The following PDXK variants were observed in gnomAD, a reference collection of about 807,000 sequenced individuals.
The protein encoded by PDXK is epididymis secretory sperm binding protein Li 1a.
A neutral mutation model predicts 43.2 loss-of-function variants in PDXK; 15 were observed. That is an observed-to-expected ratio of 0.35 (90% CI 0.23 to 0.53). The LOEUF (loss-of-function observed/expected upper bound fraction) is 0.53, where lower values mean the gene tolerates loss of function less well. PDXK is among the 20% of genes least tolerant of loss of function. The pLI is 0.92. For synonymous variants in PDXK, 172 were observed against 165.4 expected (o/e 1.04, Z -0.31); for missense variants, 343 against 417.0 (o/e 0.82, Z 1.54).
At chr21:43,747,615 T>G (rs1486231177) in intron 5 of PDXK, among the ~76,000 whole-genome samples, 1 of 152,236 alleles carries the variant, frequency 6.6e-6, no homozygotes, top group Non-Finnish European at 1.5e-5. Context: ...GACCCCAGCT[T>G]GCAGCTCCCT....
chr21:43,721,450 G>A (rs1161243653), intron 1 of PDXK, among the ~76,000 whole-genome samples: 1 of 152,272 alleles, frequency 6.6e-6, no homozygotes, highest in Admixed American at 6.5e-5. Context: ...TTTGCCTCAA[G>A]GCTACTTGGA....
At chr21:43,728,712 G>C in intron 1 of PDXK, 1 of 985,652 alleles carries the variant, frequency 1.0e-6, no homozygotes. Context: ...GAGGAGGGCT[G>C]CTCACACCAC....
chr21:43,738,103 G>C (rs2083435194), intron 2 of PDXK: 2 of 947,390 alleles, frequency 2.1e-6, no homozygotes, highest in Admixed American at 1.2e-4. Flanking sequence ...TCATGTTGCA[G>C]CCTTAACCCC....
At chr21:43,731,677 C>G (rs1428426884) in intron 1 of PDXK, among the ~76,000 whole-genome samples, 6 of 148,614 alleles carry the variant, frequency 4.0e-5, no homozygotes, top group Admixed American at 3.3e-4. Flanking sequence ...GCCCAGCAGC[C>G]CGCTGGGCTG....
chr21:43,725,103 C>T (rs2083240584), intron 1 of PDXK, among the ~76,000 whole-genome samples: 1 of 151,988 alleles, frequency 6.6e-6, no homozygotes, highest in South Asian at 2.1e-4. Context: ...GCAGGCGGAT[C>T]ACAAGATCAG....
intron 3 of PDXK, among the ~76,000 whole-genome samples, chr21:43,743,087 A>G (rs1488737240): frequency 7.5e-6 from 1 of 133,732 alleles, no homozygotes; most frequent in African/African-American, 2.9e-5. Context: ...CTGTGGGGAC[A>G]CCTCACCTGC....
intron 1 of PDXK, among the ~76,000 whole-genome samples, chr21:43,726,989 C>CAT (rs1404398181): frequency 1.3e-5 from 2 of 152,204 alleles, no homozygotes; most frequent in Admixed American, 6.5e-5. Context: ...CATGGGCATG[C>CAT]ATGTGTGTGT....
At chr21:43,753,015 C>T (rs1380116480) in intron 8 of PDXK, among the ~76,000 whole-genome samples, 2 of 152,186 alleles carry the variant, frequency 1.3e-5, no homozygotes, top group African/African-American at 4.8e-5. Flanking sequence ...CTAGTGGCCG[C>T]GGGTTCATAC....
chr21:43,751,385 C>T (rs191548739), intron 7 of PDXK, among the ~76,000 whole-genome samples: 76 of 152,236 alleles, frequency 5.0e-4, no homozygotes, highest in Admixed American at 2.2e-3. Context: ...CCCATCTCTA[C>T]TAAAAATACA....
intron 1 of PDXK, chr21:43,728,642 A>G: frequency 2.3e-6 from 2 of 868,372 alleles, no homozygotes; most frequent in Non-Finnish European, 2.8e-6. Context: ...GATGCTGCCG[A>G]TAAGGCGCGC....
chr21:43,750,957 T>C (rs541692342), intron 7 of PDXK, among the ~76,000 whole-genome samples: 704 of 59,636 alleles, frequency 0.012, 5 homozygotes, highest in African/African-American at 0.053. Context: ...TGCACATGTG[T>C]GTGCATGTGT....
intron 1 of PDXK, among the ~76,000 whole-genome samples, chr21:43,722,724 C>G (rs894089645): frequency 6.6e-6 from 1 of 152,242 alleles, no homozygotes; most frequent in African/African-American, 2.4e-5. Context: ...TCTGTCCTCA[C>G]GTGGCCTCCG....
intron 6 of PDXK, among the ~76,000 whole-genome samples, chr21:43,750,018 G>A (rs1056606725): frequency 6.6e-6 from 1 of 151,272 alleles, no homozygotes; most frequent in Non-Finnish European, 1.5e-5. Flanking sequence ...GCCAGGTCTT[G>A]AGCCCCCCCA....
chr21:43,742,050 G>T (rs1285876893), intron 3 of PDXK, among the ~76,000 whole-genome samples: 2 of 152,172 alleles, frequency 1.3e-5, no homozygotes, highest in African/African-American at 2.4e-5. Flanking sequence ...TGCAGGCAGG[G>T]TGTTGGGAAC....
In PDXK at chr21:43,757,687, A is replaced by T. The variant is rs548343910; in HGVS notation, c.*1624A>T. On this transcript the variant is annotated 3_prime_UTR_variant, in exon 11 of 11. Transcript: ENST00000291565. ...GTGCATCAGGGCGCCTGGCTCCCCC[A>T]CCTCAGCCAGTGAGTCAGACACGGG... The T allele has an allele frequency of 7.7e-6, 1 of 129,924 alleles. No individual in the cohort carries two copies. Among genetic ancestry groups the T allele is most frequent in the East Asian group, 2.2e-4 (1 of 4,514 alleles). The allele number at this position is 129,924 out of a possible 1,614,324, so 8.0% of individuals were successfully genotyped here.
chr21:43,734,202 G>A lies in PDXK; in HGVS notation c.142+79G>A, dbSNP rs1176548397. On this transcript the variant is annotated intron_variant, in intron 2 of 10. Coordinates refer to ENST00000291565, the MANE Select transcript of PDXK (RefSeq NM_003681.5). The surrounding 1 kb of genome is among the most constrained non-coding windows in gnomAD (Gnocchi z 5.0). ...GGGGCGGAGTGTGGGTGTGAGGGAC[G>A]GGGCGGAGTGTGGGTGTGAGGGACG... 8 of 1,345,302 alleles carry A rather than the reference G, an allele frequency of 5.9e-6. No individual in the cohort carries two copies. The highest frequency in any genetic ancestry group is 1.7e-5 in the Admixed American group (1 of 59,174). 83.3% of individuals were successfully genotyped at this position (1,345,302 alleles called of 1,614,324 possible).
At chr21:43,739,122 G>T (rs1199747174) in intron 2 of PDXK, among the ~76,000 whole-genome samples, 1 of 151,934 alleles carries the variant, frequency 6.6e-6, no homozygotes, top group Non-Finnish European at 1.5e-5. Context: ...TTTTAGTAGG[G>T]ACGGGGTTTC....
chr21:43,727,860 A>G (rs1328930957), intron 1 of PDXK, among the ~76,000 whole-genome samples: 3 of 152,216 alleles, frequency 2.0e-5, no homozygotes, highest in Admixed American at 2.0e-4. Flanking sequence ...AGGTCACACC[A>G]GGGAGCCCAT....
Position 43,756,366 on chromosome 21 carries a change from G to T in PDXK, c.*303G>T. The stretch of plus-strand genomic sequence containing the variant: ...GGTGTTCCCTGTGGGAGGGTGAGTG[G>T]GTGAGGCCGAGCCTGCTGCGTGTGG... On this transcript the variant is annotated 3_prime_UTR_variant, in exon 11 of 11. Coordinates refer to ENST00000291565, the MANE Select transcript of PDXK (RefSeq NM_003681.5). 1 of 327,966 alleles carries T rather than the reference G, an allele frequency of 3.0e-6. No homozygotes were observed. The highest frequency in any genetic ancestry group is 5.9e-6 in the Non-Finnish European group (1 of 170,422). 20.3% of individuals were successfully genotyped at this position (327,966 alleles called of 1,614,324 possible). A position where few individuals can be genotyped will look rare whatever the true frequency, so the allele number is the denominator to read the frequency against.
Sources: gnomAD v4.1 joint callset for allele counts (sites outside exome capture counted in the v4.1 genomes callset) on GRCh38, gnomAD v4.1.1 for gene constraint, Gnocchi (gnomAD v3.1) non-coding constraint, MANE v1.5 for transcripts, NCBI Gene and HGNC (gene_info 2026-07-23, HGNC 2026-07-21) for gene names.